RAB3IP: variants seen among roughly 807,000 people sequenced by gnomAD.
The protein encoded by RAB3IP is rab-3A-interacting protein.
In RAB3IP, 36 loss-of-function variants were observed where a neutral mutation model predicts 59.1. That is an observed-to-expected ratio of 0.61 (90% CI 0.47 to 0.80). The LOEUF (loss-of-function observed/expected upper bound fraction) is 0.80, where lower values mean the gene tolerates loss of function less well. Ranked by LOEUF, RAB3IP falls within the 30% of genes least tolerant of loss-of-function variation. RAB3IP has a pLI of 0.00. For synonymous variants in RAB3IP, 207 were observed against 191.2 expected, an observed-to-expected ratio of 1.08 and a Z score of -0.68; for missense variants, 511 against 536.0, an observed-to-expected ratio of 0.95 and a Z score of 0.46.
rs1051094033 is a variant in RAB3IP at position 69,760,417 on chromosome 12, GGGGAGA to G, written c.510+3774_510+3779del. The stretch of plus-strand genomic sequence containing the variant: ...GTGGGGAGAGGGAGAGGGAGACTGT[GGGGAGA>G]GGGAGAGGGAGAGGGAGAGCCTCCA... On this transcript the variant is annotated intron_variant, in intron 3 of 10. Coordinates refer to ENST00000247833, the MANE Select transcript of RAB3IP (RefSeq NM_022456.5). 7.8e-4 allele frequency among the ~76,000 whole-genome samples: 118 copies of G among 152,208 alleles called. 2 individuals carry two copies. Among genetic ancestry groups the G allele is most frequent in the African/African-American group, 1.7e-3 (71 of 41,546 alleles).
In RAB3IP at chr12:69,820,992, A is replaced by G. The variant is rs1286898287; in HGVS notation, c.*5546A>G. Reference sequence around the variant, plus strand: ...AAAACTTAAAAAAAAAATGTAGAAGAGGACTAAACTTGATAAAATATTAAA... The same window carrying G: ...AAAACTTAAAAAAAAAATGTAGAAGGGGACTAAACTTGATAAAATATTAAA... On this transcript the variant is annotated 3_prime_UTR_variant, in exon 11 of 11. Coordinates refer to ENST00000247833, the MANE Select transcript of RAB3IP (RefSeq NM_022456.5). The G allele has an allele frequency of 2.0e-5, 3 of 152,188 alleles. No individual in the cohort carries two copies. The highest frequency in any genetic ancestry group is 1.3e-4 in the Admixed American group (2 of 15,286). The allele number at this position is 152,188 out of a possible 1,614,324, so 9.4% of individuals were successfully genotyped here.
intron 8 of RAB3IP, among the ~76,000 whole-genome samples, chr12:69,811,510 A>T (rs1880458570): frequency 6.6e-6 from 1 of 152,198 alleles, no homozygotes; most frequent in South Asian, 2.1e-4. Flanking sequence ...CTGTTTCCAG[A>T]AGAATAGTGT....
In RAB3IP at chr12:69,780,036, G is replaced by T. The variant is rs77624821; in HGVS notation, c.511-4684G>T. 6.1e-3 allele frequency among the ~76,000 whole-genome samples: 933 copies of T among 152,280 alleles called. 10 individuals are homozygous for T. The highest frequency in any genetic ancestry group is 0.051 in the East Asian group (262 of 5,174). ...TGTTGTCAAGCCTGTGACTGCTGCA[G>T]CCATTTCAGCGGTAGAGGGCGCCTT... is the stretch of plus-strand genomic sequence containing the variant. On this transcript the variant is annotated intron_variant, in intron 3 of 10. Transcript: ENST00000247833.
At position 69,820,796 on chromosome 12, in the gene RAB3IP, TGTGG is replaced by T. The variant is rs1194729579; in HGVS notation, c.*5351_*5354del. On this transcript the variant is annotated 3_prime_UTR_variant, in exon 11 of 11. Transcript: ENST00000247833. ...ACGCTCGAACCCAGGAGGCAGAGGT[TGTGG>T]TGAGTTGACATCACGCCATTGCACT... 2 of 143,392 alleles carry T rather than the reference TGTGG, an allele frequency of 1.4e-5. No individual in the cohort carries two copies. The highest frequency in any genetic ancestry group is 5.1e-5 in the African/African-American group (2 of 39,216). The allele number at this position is 143,392 out of a possible 1,614,324, so 8.9% of individuals were successfully genotyped here.
chr12:69,799,973 G>A (rs1182684143), intron 6 of RAB3IP, among the ~76,000 whole-genome samples: 1 of 151,932 alleles, frequency 6.6e-6, no homozygotes, highest in Admixed American at 6.6e-5. Context: ...TTATTTGAGA[G>A]TCATTTTTTA....
rs1334685933 is a variant in RAB3IP, at chr12:69,755,646, A to T, written c.238A>T (p.Ile80Leu). 5 of 1,612,174 alleles carry T rather than the reference A, an allele frequency of 3.1e-6. No individual in the cohort carries two copies. Among genetic ancestry groups the T allele is most frequent in the Non-Finnish European group, 4.2e-6 (5 of 1,178,504 alleles). Residue 80 changes from isoleucine to leucine, a missense_variant, in exon 2 of 11, where the codon ATA becomes TTA. Coordinates refer to ENST00000247833, the MANE Select transcript of RAB3IP (RefSeq NM_022456.5). ...CCCCAGACGTTTAAATTGTGCGGAA[A>T]TATCTAGTATCAGGTAGGAAATAAG... Reference protein sequence around the residue: ...SSPRRLNCAEISSISFHVTDP... With the variant: ...SSPRRLNCAELSSISFHVTDP...
At chr12:69,742,173 A>G (rs1334121590) in intron 1 of RAB3IP, among the ~76,000 whole-genome samples, 1 of 152,246 alleles carries the variant, frequency 6.6e-6, no homozygotes. Context: ...GATAGTGGGT[A>G]GAGATATTTG....
chr12:69,814,676 G>A (rs941537350), intron 10 of RAB3IP, among the ~76,000 whole-genome samples: 15 of 151,772 alleles, frequency 9.9e-5, no homozygotes, highest in African/African-American at 3.6e-4. Context: ...GAGTGGTGGT[G>A]GTGGTAGTGG....
At chr12:69,740,260 A>T (rs1379669012) in intron 1 of RAB3IP, among the ~76,000 whole-genome samples, 1 of 152,108 alleles carries the variant, frequency 6.6e-6, no homozygotes, top group African/African-American at 2.4e-5. Flanking sequence ...ACTGTTAAAT[A>T]TTTCACCAGT....
chr12:69,795,568 A>G (rs1042310370), intron 6 of RAB3IP: 3 of 589,482 alleles, frequency 5.1e-6, no homozygotes, highest in Non-Finnish European at 9.0e-6. Context: ...AAGTTTCTTA[A>G]TCTCAGTATT....
In RAB3IP at chr12:69,815,688, A is replaced by G. The variant is rs997561591; in HGVS notation, c.*242A>G. 1.1e-5 allele frequency: 3 copies of G among 284,138 alleles called. No homozygotes were observed. The highest frequency in any genetic ancestry group is 2.0e-5 in the Non-Finnish European group (3 of 153,682). The allele number at this position is 284,138 out of a possible 1,614,324, so 17.6% of individuals were successfully genotyped here. A position where few individuals can be genotyped will look rare whatever the true frequency, so the allele number is the denominator to read the frequency against. On this transcript the variant is annotated 3_prime_UTR_variant, in exon 11 of 11. Transcript: ENST00000247833. The stretch of plus-strand genomic sequence containing the variant: ...GTGAATGTAATTTATAGTTGCCAAA[A>G]AAAAAAAAAACCTGAAATAAATAAA...
chr12:69,741,187 T>G (rs1887302054), intron 1 of RAB3IP, among the ~76,000 whole-genome samples: 2 of 152,242 alleles, frequency 1.3e-5, no homozygotes, highest in Admixed American at 6.5e-5. Flanking sequence ...TGCAAGGCAC[T>G]GTGTGTGCTT....
intron 3 of RAB3IP, among the ~76,000 whole-genome samples, chr12:69,773,444 G>A (rs1873542317): frequency 9.9e-6 from 1 of 100,920 alleles, no homozygotes; most frequent in Non-Finnish European, 2.0e-5. Flanking sequence ...AAGTTTTAGG[G>A]TACATGTGCA....
intron 4 of RAB3IP, among the ~76,000 whole-genome samples, chr12:69,790,563 C>CA (rs1326381778): frequency 6.6e-6 from 1 of 151,434 alleles, no homozygotes; most frequent in African/African-American, 2.4e-5. Flanking sequence ...TATGGAGCTA[C>CA]AAAAAACGTT....
intron 3 of RAB3IP, among the ~76,000 whole-genome samples, chr12:69,779,626 C>G (rs2136191065): frequency 6.7e-6 from 1 of 148,704 alleles, no homozygotes; most frequent in Non-Finnish European, 1.5e-5. Flanking sequence ...TTGGTTAATT[C>G]TGTTGTTGAA....
intron 3 of RAB3IP, among the ~76,000 whole-genome samples, chr12:69,772,944 T>C (rs1214670595): frequency 3.3e-5 from 5 of 152,208 alleles, no homozygotes. Flanking sequence ...TCTTTCAGAT[T>C]GAAGAAATCC....
chr12:69,813,235 ATTATT>A (rs2136288723), intron 10 of RAB3IP, among the ~76,000 whole-genome samples: 1 of 152,278 alleles, frequency 6.6e-6, no homozygotes, highest in African/African-American at 2.4e-5. Flanking sequence ...ATTGTGTTTA[ATTATT>A]TTATTTGCCT....
chr12:69,798,724 A>G (rs929130752), intron 6 of RAB3IP, among the ~76,000 whole-genome samples: 78 of 152,222 alleles, frequency 5.1e-4, no homozygotes, highest in African/African-American at 1.7e-3. Flanking sequence ...AAGGGATCCA[A>G]TTTCAGCTTT....
intron 6 of RAB3IP, among the ~76,000 whole-genome samples, chr12:69,799,473 A>G (rs1295046590): frequency 1.3e-5 from 2 of 152,194 alleles, no homozygotes; most frequent in Non-Finnish European, 2.9e-5. Context: ...AGAGAGGGAT[A>G]GCTGGAGGAG....
Sources: allele counts gnomAD v4.1 joint callset (sites outside exome capture counted in the v4.1 genomes callset), GRCh38; gene constraint gnomAD v4.1.1; transcripts MANE v1.5; gene names NCBI Gene and HGNC (gene_info 2026-07-23, HGNC 2026-07-21).